The following GMEB1 variants were observed in gnomAD, a reference collection of about 807,000 sequenced individuals.
GMEB1 encodes glucocorticoid modulatory element binding protein 1, also known as glucocorticoid modulatory element-binding protein 1.
Under a neutral mutation model 52.4 loss-of-function variants are expected in GMEB1, and 6 were observed. The observed-to-expected ratio is 0.11, with a 90% confidence interval of 0.06 to 0.23. The LOEUF is 0.23. Ranked by LOEUF, GMEB1 falls within the 10% of genes least tolerant of loss-of-function variation. The pLI, the probability that GMEB1 is intolerant of heterozygous loss-of-function variation, is 1.00. For missense variants in GMEB1, 486 were observed against 685.6 expected (o/e 0.71, Z 3.25); for synonymous variants, 255 against 244.9 (o/e 1.04, Z -0.38).
Position 28,715,011 on chromosome 1 carries a change from C to A in GMEB1, c.*238C>A. 2.1e-6 allele frequency: 1 copy of A among 469,554 alleles called. No homozygotes were observed. The allele number at this position is 469,554 out of a possible 1,614,324, so 29.1% of individuals were successfully genotyped here. ...ATTCAATGTCCTAATCATCTTACAC[C>A]AAGAAAGTAATTTCTTTTAGGGGAA... On this transcript the variant is annotated 3_prime_UTR_variant, in exon 10 of 10. Transcript: ENST00000373816.
At chr1:28,701,267 T>C (rs1670493732) in intron 6 of GMEB1, among the ~76,000 whole-genome samples, 1 of 124,046 alleles carries the variant, frequency 8.1e-6, no homozygotes, top group African/African-American at 3.0e-5. Flanking sequence ...TTAAAAGCTG[T>C]CTTTTTTTTT....
rs71586855 is a variant in GMEB1 at position 28,697,162 on chromosome 1, C to CATATATATATATAT, written c.598+103_598+116dup. 2.2e-3 allele frequency: 335 copies of CATATATATATATAT among 148,996 alleles called. 3 individuals carry two copies. Among genetic ancestry groups the CATATATATATATAT allele is most frequent in the African/African-American group, 4.7e-3 (88 of 18,758 alleles). The allele number at this position is 148,996 out of a possible 1,614,324, so 9.2% of individuals were successfully genotyped here. A position where few individuals can be genotyped will look rare whatever the true frequency, so the allele number is the denominator to read the frequency against. On this transcript the variant is annotated intron_variant, in intron 6 of 9. Coordinates refer to ENST00000373816, the MANE Select transcript of GMEB1 (RefSeq NM_001319674.2). ...CCCCCTTATTTCTCCCTTGTGTGTACATATATATATATATATATATATATA... is the reference window on the plus strand; with the variant it reads ...CCCCCTTATTTCTCCCTTGTGTGTACATATATATATATATATATATATATATATATATATATATA...
At chr1:28,684,192 T>C (rs145456689) in intron 2 of GMEB1, among the ~76,000 whole-genome samples, 96 of 152,192 alleles carry the variant, frequency 6.3e-4, no homozygotes, top group African/African-American at 2.2e-3. Context: ...TTCTTTTTTC[T>C]TTTTTTATTT....
intron 1 of GMEB1, among the ~76,000 whole-genome samples, chr1:28,671,310 G>T (rs1668874516): frequency 6.6e-6 from 1 of 151,982 alleles, no homozygotes; most frequent in South Asian, 2.1e-4. Context: ...TCCCTCTGTT[G>T]CCCAGGTGAG....
chr1:28,714,423 A>C lies in GMEB1; in HGVS notation c.1342A>C (p.Ser448Arg), dbSNP rs143743503. ...CACAGTGGTCTCCTCTGCCAAGAGC[A>C]GCTCACCAGACACAGTGACCATCCA... ...YATVVSSAKS[S>R]SPDTVTIHPS... Residue 448 changes from serine to arginine, a missense_variant, in exon 10 of 10, where the codon AGC becomes CGC. Coordinates refer to ENST00000373816, the MANE Select transcript of GMEB1 (RefSeq NM_001319674.2). 6.2e-7 allele frequency: 1 copy of C among 1,614,056 alleles called. No homozygotes were observed. The highest frequency in any genetic ancestry group is 1.3e-5 in the African/African-American group (1 of 74,930).
At chr1:28,689,167 C>T (rs934287472) in intron 2 of GMEB1, among the ~76,000 whole-genome samples, 2 of 151,924 alleles carry the variant, frequency 1.3e-5, no homozygotes, top group African/African-American at 4.8e-5. Flanking sequence ...GGATTACAGG[C>T]GTGAGCCACC....
At chr1:28,674,909 G>A (rs1267972115) in intron 1 of GMEB1, among the ~76,000 whole-genome samples, 5 of 144,722 alleles carry the variant, frequency 3.5e-5, no homozygotes, top group Non-Finnish European at 6.0e-5. Flanking sequence ...TAGTAGAGAC[G>A]GGGTTTCACC....
intron 9 of GMEB1, among the ~76,000 whole-genome samples, chr1:28,711,699 C>A (rs541894618): frequency 1.3e-5 from 2 of 152,310 alleles, no homozygotes; most frequent in East Asian, 3.9e-4. Flanking sequence ...AAGTTATCCA[C>A]CCACCTCAGC....
chr1:28,695,322 T>G (rs1022530399), intron 5 of GMEB1, among the ~76,000 whole-genome samples: 3 of 151,558 alleles, frequency 2.0e-5, no homozygotes, highest in Non-Finnish European at 2.9e-5. Context: ...AAACTGTACC[T>G]CCTAGATTCA....
chr1:28,672,259 C>T (rs1339599707), intron 1 of GMEB1, among the ~76,000 whole-genome samples: 2 of 148,328 alleles, frequency 1.3e-5, no homozygotes, highest in Admixed American at 6.8e-5. Flanking sequence ...CTCACTCTGT[C>T]GCCCAGGCTG....
chr1:28,696,129 G>A (rs759803957), intron 5 of GMEB1, among the ~76,000 whole-genome samples: 1 of 151,244 alleles, frequency 6.6e-6, no homozygotes, highest in Non-Finnish European at 1.5e-5. Context: ...GTGCAGTGGC[G>A]TGATCTCAGC....
chr1:28,683,712 A>T lies in GMEB1; in HGVS notation c.100A>T (p.Ile34Phe). 1.2e-6 allele frequency: 2 copies of T among 1,611,946 alleles called. No homozygotes were observed. Among genetic ancestry groups the T allele is most frequent in the Non-Finnish European group, 1.7e-6 (2 of 1,179,222 alleles). ...TCCTGAAGACACTAAAACCCAAGTG[A>T]TTTTGCAGTTACAGCCTGTGCAACA... ...ENPEDTKTQVILQLQPVQQGI... is the reference protein window; with the variant it reads ...ENPEDTKTQVFLQLQPVQQGI... Residue 34 changes from isoleucine to phenylalanine, a missense_variant, in exon 2 of 10, where the codon ATT (isoleucine) becomes TTT (phenylalanine). Ile to Phe is a conservative substitution (Grantham distance 21). Coordinates refer to ENST00000373816, the MANE Select transcript of GMEB1 (RefSeq NM_001319674.2).
Position 28,691,664 on chromosome 1 carries a change from C to T in GMEB1, c.291C>T (p.Leu97=). 6.3e-7 allele frequency: 1 copy of T among 1,581,470 alleles called. No homozygotes were observed. Among genetic ancestry groups the T allele is most frequent in the Non-Finnish European group, 8.6e-7 (1 of 1,158,204 alleles). The stretch of plus-strand genomic sequence containing the variant: ...GTGGGGAGAGCAAAGCCATCCTCCT[C>T]TGGAAGAAGTTTGTATGTCCAGGAA... ...ITCGESKAIL[L]WKKFVCPGIN... is the part of the protein sequence containing the mutation. Residue 97 remains leucine, a synonymous_variant, in exon 4 of 10, where the codon CTC becomes CTT. Transcript: ENST00000373816.
At chr1:28,675,010 C>T (rs1488321848) in intron 1 of GMEB1, among the ~76,000 whole-genome samples, 6 of 124,992 alleles carry the variant, frequency 4.8e-5, no homozygotes, top group African/African-American at 1.2e-4. Context: ...TGAGCCACCG[C>T]GCCCGGCCTT....
intron 1 of GMEB1, among the ~76,000 whole-genome samples, chr1:28,678,309 TTG>T (rs1167278991): frequency 6.6e-6 from 1 of 150,500 alleles, no homozygotes; most frequent in African/African-American, 2.5e-5. Context: ...TTTTGTTTGT[TTG>T]TTTGTTTGTT....
In GMEB1 at chr1:28,708,089, G is replaced by A. The variant is rs543934230; in HGVS notation, c.869-2431G>A. On this transcript the variant is annotated intron_variant, in intron 8 of 9. Coordinates refer to ENST00000373816, the MANE Select transcript of GMEB1 (RefSeq NM_001319674.2). ...AATATTTGTAGTTTTTGTAGAGACAGGGTTTTGCCATATTGCGCAGGCTGG... is the reference window on the plus strand; with the variant it reads ...AATATTTGTAGTTTTTGTAGAGACAAGGTTTTGCCATATTGCGCAGGCTGG... Among the ~76,000 whole-genome samples the A allele has an allele frequency of 3.5e-4, 54 of 152,146 alleles. 1 individual carries two copies. Among genetic ancestry groups the A allele is most frequent in the African/African-American group, 1.3e-3 (53 of 41,524 alleles).
At chr1:28,705,295 G>A (rs1024534286) in intron 8 of GMEB1, among the ~76,000 whole-genome samples, 1 of 151,402 alleles carries the variant, frequency 6.6e-6, no homozygotes, top group Non-Finnish European at 1.5e-5. Context: ...TTGAGAGGTT[G>A]TGGCACGAGA....
chr1:28,682,099 A>C (rs868463682), intron 1 of GMEB1, among the ~76,000 whole-genome samples: 14 of 152,134 alleles, frequency 9.2e-5, no homozygotes, highest in African/African-American at 3.4e-4. Context: ...ATATTAAAAT[A>C]AATACAGTGC....
At chr1:28,670,442 C>T (rs1247213066) in intron 1 of GMEB1, among the ~76,000 whole-genome samples, 1 of 152,190 alleles carries the variant, frequency 6.6e-6, no homozygotes, top group Non-Finnish European at 1.5e-5. Context: ...ATTCTCCTGC[C>T]TCACCCTCCC....
Sources: allele counts gnomAD v4.1 joint callset (sites outside exome capture counted in the v4.1 genomes callset), GRCh38; gene constraint gnomAD v4.1.1; transcripts MANE v1.5; gene names NCBI Gene and HGNC (gene_info 2026-07-23, HGNC 2026-07-21).